Variants in KMT2E observed in about 807,000 individuals in gnomAD.
KMT2E encodes lysine methyltransferase 2E (inactive), also known as histone reader KMT2E.
KMT2E carries 30 observed loss-of-function variants against 184.6 expected under a neutral mutation model. The ratio of observed to expected loss-of-function variants is 0.16; its 90% confidence interval spans 0.12 to 0.22. The LOEUF (loss-of-function observed/expected upper bound fraction) is 0.22. Ranked by LOEUF, KMT2E falls within the 10% of genes least tolerant of loss-of-function variation. The probability of loss-of-function intolerance (pLI) is 1.00; values close to 1 mark genes in which losing one functional copy is unlikely to be tolerated. For synonymous variants in KMT2E, 815 were observed against 776.5 expected (o/e 1.05, Z -0.82); for missense variants, 2,023 against 2,237.4 (o/e 0.90, Z 1.93).
At position 105,040,961 on chromosome 7, in the gene KMT2E, A is replaced by G. The variant is rs1795850665; in HGVS notation, c.9A>G (p.Ile3Met). The G allele has an allele frequency of 1.9e-6, 3 of 1,608,386 alleles. No individual in the cohort carries two copies. Among genetic ancestry groups the G allele is most frequent in the Non-Finnish European group, 2.5e-6 (3 of 1,177,456 alleles). The change falls in exon 3 of 27, where the codon ATA becomes ATG. Residue 3 changes from isoleucine to methionine, a missense_variant. Around this residue, in one of 8 missense-constraint regions of KMT2E, gnomAD observed 63 missense variants for 68.9 expected, o/e 0.91. Coordinates refer to ENST00000311117, the MANE Select transcript of KMT2E (RefSeq NM_182931.3). MS[I>M]VIPLGVDTAE... ...TACCAGAGGCGAACGTCATGAGCAT[A>G]GTGATCCCATTGGGGGTTGATACAG...
chr7:105,080,786 G>A (rs1236586521), intron 12 of KMT2E, among the ~76,000 whole-genome samples: 1 of 151,478 alleles, frequency 6.6e-6, no homozygotes, highest in Non-Finnish European at 1.5e-5. Flanking sequence ...CAAAGTGGGT[G>A]GATCACCTGA....
intron 3 of KMT2E, among the ~76,000 whole-genome samples, chr7:105,060,373 T>C (rs2129567015): frequency 6.6e-6 from 1 of 152,146 alleles, no homozygotes; most frequent in East Asian, 1.9e-4. Context: ...ATATTGGAGG[T>C]GCCGTCTACA....
At chr7:105,034,171 G>A (rs569167922) in intron 1 of KMT2E, among the ~76,000 whole-genome samples, 84 of 152,280 alleles carry the variant, frequency 5.5e-4, no homozygotes, top group African/African-American at 1.6e-3. Context: ...ACCATAGTAC[G>A]CAGTTTCCCT....
chr7:105,053,504 C>A (rs1175449022), intron 3 of KMT2E, among the ~76,000 whole-genome samples: 1 of 152,048 alleles, frequency 6.6e-6, no homozygotes, highest in Non-Finnish European at 1.5e-5. Flanking sequence ...TTTATTCTCT[C>A]AACTCTAAAG....
intron 3 of KMT2E, among the ~76,000 whole-genome samples, chr7:105,047,222 C>G (rs1270970577): frequency 6.6e-6 from 1 of 152,190 alleles, no homozygotes; most frequent in Non-Finnish European, 1.5e-5. Context: ...TAGAATGTAC[C>G]AAAATTCCAG....
intron 3 of KMT2E, among the ~76,000 whole-genome samples, chr7:105,045,143 A>G (rs908464346): frequency 3.9e-5 from 6 of 152,202 alleles, no homozygotes; most frequent in Non-Finnish European, 7.3e-5. Flanking sequence ...TCCACCTGCT[A>G]TGTATAATTT....
rs1195973629 is a variant in KMT2E, at chr7:105,110,855, C to A, written c.4055C>A (p.Pro1352Gln). 9 of 1,611,516 alleles carry A rather than the reference C, an allele frequency of 5.6e-6. No homozygotes were observed. Among genetic ancestry groups the A allele is most frequent in the Non-Finnish European group, 7.6e-6 (9 of 1,177,676 alleles). The change falls in exon 26 of 27, where the codon CCA becomes CAA. Residue 1352 changes from proline to glutamine, a missense_variant. Transcript: ENST00000311117. ...TCTCAAAATACTTGTAAAAGTCCTC[C>A]AAAAATGAGCAAGGTAATAACATTG... Reference protein sequence around the residue: ...DTSQNTCKSPPKMSKPGSPGS... With the variant: ...DTSQNTCKSPQKMSKPGSPGS...
At chr7:105,017,427 G>GT (rs1205679684) in intron 1 of KMT2E, among the ~76,000 whole-genome samples, 23 of 113,324 alleles carry the variant, frequency 2.0e-4, no homozygotes, top group Admixed American at 5.0e-4. Context: ...GTTTTTTTTT[G>GT]TTTTTTGTTT....
chr7:105,110,155 T>G, intron 23 of KMT2E, 125 bp from the exon 24 acceptor site: 1 of 777,608 alleles, frequency 1.3e-6, no homozygotes, highest in Non-Finnish European at 2.2e-6. Flanking sequence ...TTTCAAAGGT[T>G]AACACCAAAG....
chr7:105,052,348 C>T (rs1325198474), intron 3 of KMT2E, among the ~76,000 whole-genome samples: 1 of 152,136 alleles, frequency 6.6e-6, no homozygotes, highest in Non-Finnish European at 1.5e-5. Flanking sequence ...TCCCCTCTTC[C>T]ATTATCTAAA....
chr7:105,070,087 G>A (rs1452901285), intron 6 of KMT2E, among the ~76,000 whole-genome samples: 1 of 152,066 alleles, frequency 6.6e-6, no homozygotes, highest in Non-Finnish European at 1.5e-5. Context: ...ACCCATTGAA[G>A]ACCATTTGGG....
chr7:105,070,785 C>G (rs1797252492), intron 6 of KMT2E, among the ~76,000 whole-genome samples: 1 of 151,628 alleles, frequency 6.6e-6, no homozygotes. Context: ...TGCACTCCAG[C>G]CTGGGCAACA....
intron 3 of KMT2E, among the ~76,000 whole-genome samples, chr7:105,050,236 C>T (rs935282879): frequency 5.9e-5 from 9 of 152,154 alleles, no homozygotes; most frequent in Admixed American, 5.9e-4. Context: ...AATTTATATA[C>T]ATTTTTTCAG....
chr7:105,034,733 C>A (rs1166253267), intron 1 of KMT2E, among the ~76,000 whole-genome samples: 2 of 151,874 alleles, frequency 1.3e-5, no homozygotes, highest in Non-Finnish European at 2.9e-5. Flanking sequence ...GTAACCATAC[C>A]TATCTTTCTC....
intron 3 of KMT2E, among the ~76,000 whole-genome samples, chr7:105,049,624 C>G (rs748816648): frequency 2.0e-5 from 3 of 152,074 alleles, no homozygotes; most frequent in Non-Finnish European, 4.4e-5. Context: ...GGCGCGGTGG[C>G]TCACGCCTGT....
chr7:105,079,104 G>T, intron 12 of KMT2E, 141 bp downstream of exon 12: 13 of 430,998 alleles, frequency 3.0e-5, no homozygotes, highest in Middle Eastern at 3.7e-4. Flanking sequence ...CTGTTTTTTT[G>T]TGAAAATTTA....
chr7:105,060,936 A>G (rs1796790551), intron 3 of KMT2E, among the ~76,000 whole-genome samples: 2 of 152,230 alleles, frequency 1.3e-5, no homozygotes, highest in Non-Finnish European at 2.9e-5. Flanking sequence ...ACACTCTATC[A>G]TGTTCACACA....
rs200021554 is a variant in KMT2E, at chr7:105,105,665, C to T, written c.2423C>T (p.Thr808Ile). 1.9e-6 allele frequency: 3 copies of T among 1,603,398 alleles called. No individual in the cohort carries two copies. The East Asian group carries it at 6.7e-5, about 36-fold the overall frequency. Residue 808 changes from threonine (T) to isoleucine (I), a missense_variant, in exon 18 of 27, where the codon ACT (threonine) becomes ATT (isoleucine). By Grantham distance (89) the Thr-to-Ile change is moderately conservative. Around this residue, in one of 8 missense-constraint regions of KMT2E, gnomAD observed 514 missense variants for 621.8 expected, o/e 0.83. Transcript: ENST00000311117. ...LSEKRRRKEP[T>I]ENISGSCKKR... The stretch of plus-strand genomic sequence containing the variant: ...GAAAAAAGGAGAAGAAAAGAACCTA[C>T]TGAAAACATTTCTGGTTCATGCAAG...
intron 12 of KMT2E, among the ~76,000 whole-genome samples, chr7:105,080,687 T>C (rs2129568324): frequency 6.6e-6 from 1 of 152,338 alleles, no homozygotes; most frequent in South Asian, 2.1e-4. Context: ...CATAGAAAAG[T>C]AGCGTTTGCT....
Sources: gnomAD v4.1 joint callset for allele counts (sites outside exome capture counted in the v4.1 genomes callset) on GRCh38, gnomAD v4.1.1 for gene constraint, gnomAD v4.1.1 regional missense constraint, MANE v1.5 for transcripts, NCBI Gene and HGNC (gene_info 2026-07-23, HGNC 2026-07-21) for gene names.